Variants in ZNF25 observed in about 807,000 individuals in gnomAD.
ZNF25 encodes zinc finger protein 25 (KOX 19).
Under a neutral mutation model 30.9 loss-of-function variants are expected in ZNF25, and 21 were observed. That is an observed-to-expected ratio of 0.68 (90% CI 0.48 to 0.98). The LOEUF (loss-of-function observed/expected upper bound fraction) is 0.98. Ranked by LOEUF, ZNF25 falls within the 50% of genes least tolerant of loss-of-function variation. ZNF25 has a pLI of 0.00. For missense variants in ZNF25, 501 were observed against 529.9 expected, an observed-to-expected ratio of 0.95 and a Z score of 0.54; for synonymous variants, 169 against 181.3, an observed-to-expected ratio of 0.93 and a Z score of 0.55.
intron 2 of ZNF25, among the ~76,000 whole-genome samples, chr10:37,959,244 A>G (rs1412908527): frequency 3.9e-5 from 6 of 152,176 alleles, no homozygotes; most frequent in African/African-American, 1.4e-4. Context: ...ATAGGGGTAA[A>G]TGAGTGGTAT....
intron 2 of ZNF25, among the ~76,000 whole-genome samples, chr10:37,960,249 C>A (rs1290885792): frequency 1.3e-5 from 2 of 151,966 alleles, no homozygotes; most frequent in African/African-American, 2.4e-5. Context: ...TTTGCAGATA[C>A]ACATATGAGT....
chr10:37,951,959 C>T lies in ZNF25; in HGVS notation c.*168G>A. The T allele has an allele frequency of 5.8e-6, 3 of 520,598 alleles. No homozygotes were observed. Among genetic ancestry groups the T allele is most frequent in the Non-Finnish European group, 9.4e-6 (3 of 317,734 alleles). The allele number at this position is 520,598 out of a possible 1,614,324, so 32.2% of individuals were successfully genotyped here. The stretch of plus-strand genomic sequence containing the variant: ...GCCTAAAATATGATAAAATTTTCTC[C>T]CAAATAAATGTACAGAATCTCTCTA... On this transcript the variant is annotated 3_prime_UTR_variant, in exon 6 of 6. Coordinates refer to ENST00000302609, the MANE Select transcript of ZNF25 (RefSeq NM_145011.4).
At chr10:37,970,466 A>G (rs2063425415) in intron 2 of ZNF25, among the ~76,000 whole-genome samples, 1 of 152,210 alleles carries the variant, frequency 6.6e-6, no homozygotes, top group Admixed American at 6.5e-5. Flanking sequence ...AAAGAAGGGA[A>G]CTTCCTTCAT....
intron 2 of ZNF25, among the ~76,000 whole-genome samples, chr10:37,969,696 G>A (rs902146268): frequency 6.6e-6 from 1 of 152,176 alleles, no homozygotes; most frequent in South Asian, 2.1e-4. Context: ...TAGAGGTGGT[G>A]TTACACAATA....
chr10:37,956,820 G>A (rs1029696237), intron 4 of ZNF25, among the ~76,000 whole-genome samples, 200 bp downstream of exon 4: 2 of 150,670 alleles, frequency 1.3e-5, no homozygotes, highest in African/African-American at 4.9e-5. Flanking sequence ...GAGGCTGAGG[G>A]AGGAGAATTG....
At position 37,957,560 on chromosome 10, in the gene ZNF25, CT is replaced by C. The variant is rs539217159; in HGVS notation, c.16-15del. ...TGTCACGGGTCCCTGGAATAACATACTTCAGTTCAATTTGAAGTAACCAGAA... is the reference window on the plus strand; with the variant it reads ...TGTCACGGGTCCCTGGAATAACATACTCAGTTCAATTTGAAGTAACCAGAA... On this transcript the variant is annotated splice_polypyrimidine_tract_variant and intron_variant, in intron 2 of 5. Transcript: ENST00000302609. 1.2e-4 allele frequency: 196 copies of C among 1,609,890 alleles called. 2 individuals carry two copies. The East Asian group carries it at 4.3e-3, about 36-fold the overall frequency.
rs2062171162 is a variant in ZNF25 at position 37,952,101 on chromosome 10, C to T, written c.*26G>A. 1.3e-6 allele frequency: 2 copies of T among 1,526,242 alleles called. No individual in the cohort carries two copies. The highest frequency in any genetic ancestry group is 1.8e-6 in the Non-Finnish European group (2 of 1,137,536). 94.5% of individuals were successfully genotyped at this position (1,526,242 alleles called of 1,614,324 possible). A position where few individuals can be genotyped will look rare whatever the true frequency, so the allele number is the denominator to read the frequency against. ...ATCTGATTGTTTTGAAGGATTAATT[C>T]AGTCAAGAGAATTTCCCAACTCATC... On this transcript the variant is annotated 3_prime_UTR_variant, in exon 6 of 6. Coordinates refer to ENST00000302609, the MANE Select transcript of ZNF25 (RefSeq NM_145011.4).
At chr10:37,972,617 A>G (rs765202077) in intron 1 of ZNF25, among the ~76,000 whole-genome samples, 13 of 152,180 alleles carry the variant, frequency 8.5e-5, no homozygotes, top group Non-Finnish European at 1.6e-4. Context: ...ACCTTCTAAA[A>G]TAACAGTTAA....
At chr10:37,960,623 C>CAAAAAAAAA (rs201582068) in intron 2 of ZNF25, among the ~76,000 whole-genome samples, 6 of 65,702 alleles carry the variant, frequency 9.1e-5, no homozygotes, top group African/African-American at 1.4e-4. Context: ...GACTCCATCT[C>CAAAAAAAAA]AAAAAAAAAA....
chr10:37,953,204 A>G lies in ZNF25; in HGVS notation c.303-9T>C. ...TTGTGAGTTCTCCATTCCTAGACAGAAAGTTCCACATTCATTAATGTGTAA... is the reference window on the plus strand; with the variant it reads ...TTGTGAGTTCTCCATTCCTAGACAGGAAGTTCCACATTCATTAATGTGTAA... On this transcript the variant is annotated splice_polypyrimidine_tract_variant and intron_variant, in intron 5 of 5. Coordinates refer to ENST00000302609, the MANE Select transcript of ZNF25 (RefSeq NM_145011.4). 6.4e-7 allele frequency: 1 copy of G among 1,564,532 alleles called. No homozygotes were observed. The highest frequency in any genetic ancestry group is 8.6e-7 in the Non-Finnish European group (1 of 1,162,778).
In ZNF25 at chr10:37,952,723, C is replaced by G. The variant is rs765256297; in HGVS notation, c.775G>C (p.Glu259Gln). 8.1e-6 allele frequency: 13 copies of G among 1,613,716 alleles called. No homozygotes were observed. Among genetic ancestry groups the G allele is most frequent in the Admixed American group, 1.7e-5 (1 of 59,976 alleles). Residue 259 changes from glutamate (E) to glutamine (Q), a missense_variant, in exon 6 of 6, where the codon GAG becomes CAG. Glu to Gln is a conservative substitution (Grantham distance 29). Transcript: ENST00000302609. ...QKTHTGEKPY[E>Q]CKECGKAFSQ... ...AAGGCTTTCCCACACTCCTTACACTCATAGGGTTTCTCCCCTGTGTGTGTT... is the reference window on the plus strand; with the variant it reads ...AAGGCTTTCCCACACTCCTTACACTGATAGGGTTTCTCCCCTGTGTGTGTT...
chr10:37,973,690 A>C (rs921804138), intron 1 of ZNF25, among the ~76,000 whole-genome samples: 3 of 152,140 alleles, frequency 2.0e-5, no homozygotes, highest in Admixed American at 6.6e-5. Flanking sequence ...AATATTGTTA[A>C]AATGTCCATA....
intron 1 of ZNF25, among the ~76,000 whole-genome samples, 184 bp downstream of exon 1, chr10:37,976,322 G>A (rs1353779121): frequency 6.6e-6 from 1 of 152,164 alleles, no homozygotes; most frequent in East Asian, 1.9e-4. Flanking sequence ...TCCTCTGGCC[G>A]CCCCTCAAGC....
chr10:37,969,855 A>C (rs1432707916), intron 2 of ZNF25, among the ~76,000 whole-genome samples: 1 of 152,252 alleles, frequency 6.6e-6, no homozygotes. Context: ...CAATCAAACA[A>C]TAAGCCAGAA....
At chr10:37,963,544 A>C (rs2063008460) in intron 2 of ZNF25, among the ~76,000 whole-genome samples, 1 of 152,220 alleles carries the variant, frequency 6.6e-6, no homozygotes, top group Non-Finnish European at 1.5e-5. Context: ...TCATGTTGAA[A>C]TATAATCCCC....
At chr10:37,959,662 T>C (rs971650537) in intron 2 of ZNF25, among the ~76,000 whole-genome samples, 1 of 152,010 alleles carries the variant, frequency 6.6e-6, no homozygotes, top group Non-Finnish European at 1.5e-5. Flanking sequence ...CAGGCTGGAG[T>C]GCAATGGTGC....
chr10:37,952,700 G>T lies in ZNF25; in HGVS notation c.798C>A (p.Ala266=). 1.2e-6 allele frequency: 2 copies of T among 1,611,804 alleles called. No homozygotes were observed. The highest frequency in any genetic ancestry group is 2.2e-5 in the East Asian group (1 of 44,664). Residue 266 remains alanine (A), a synonymous_variant, in exon 6 of 6, where the codon GCC becomes GCA. Transcript: ENST00000302609. ...KPYECKECGK[A]FSQKSHLTVH... ...CTGTGAGGTGTGACTTCTGGGAAAA[G>T]GCTTTCCCACACTCCTTACACTCAT...
chr10:37,962,941 G>A (rs912486245), intron 2 of ZNF25, among the ~76,000 whole-genome samples: 4 of 151,868 alleles, frequency 2.6e-5, no homozygotes, highest in African/African-American at 9.7e-5. Context: ...CTTTCAACAC[G>A]AGTGATTTCC....
intron 4 of ZNF25, among the ~76,000 whole-genome samples, chr10:37,956,192 G>GTA (rs1160137846): frequency 6.6e-6 from 1 of 152,166 alleles, no homozygotes; most frequent in African/African-American, 2.4e-5. Flanking sequence ...GATAAACACT[G>GTA]TATAGCAGGA....
Sources: gnomAD v4.1 joint callset for allele counts (sites outside exome capture counted in the v4.1 genomes callset) on GRCh38, gnomAD v4.1.1 for gene constraint, MANE v1.5 for transcripts, NCBI Gene and HGNC (gene_info 2026-07-23, HGNC 2026-07-21) for gene names.